ADCY2: variants seen among roughly 807,000 people sequenced by gnomAD.
ADCY2 encodes the protein adenylate cyclase type 2.
ADCY2 carries 31 observed loss-of-function variants against 125.2 expected under a neutral mutation model. The ratio of observed to expected loss-of-function variants is 0.25; its 90% CI spans 0.19 to 0.33. The LOEUF is 0.33. Ranked by LOEUF, ADCY2 falls within the 10% of genes least tolerant of loss-of-function variation. The pLI, the probability that ADCY2 is intolerant of heterozygous loss-of-function variation, is 1.00. For missense variants in ADCY2, 904 were observed against 1,418.2 expected (o/e 0.64, Z 5.82); for synonymous variants, 512 against 548.4 (o/e 0.93, Z 0.93).
chr5:7,396,454 T>A lies in ADCY2; in HGVS notation c.158T>A (p.Ile53Asn), dbSNP rs1739041370. ...CCGCTCATCGTCTTCCTGCTGCTCA[T>A]CGTCATGGGCTCCTGCCTCGCCCTG... The part of the protein sequence containing the change: ...QHPLIVFLLL[I>N]VMGSCLALLA... Residue 53 changes from isoleucine (I) to asparagine (N), a missense_variant, in exon 1 of 25, where the codon ATC (isoleucine) becomes AAC (asparagine). Coordinates refer to ENST00000338316, the MANE Select transcript of ADCY2 (RefSeq NM_020546.3). This position sits in a 1 kb window ranked among gnomAD's most constrained non-coding sequence, Gnocchi z 5.7. 6.3e-7 allele frequency: 1 copy of A among 1,577,556 alleles called. No individual in the cohort carries two copies. Among genetic ancestry groups the A allele is most frequent in the African/African-American group, 1.4e-5 (1 of 71,686 alleles).
chr5:7,723,391 T>G (rs1043840056), intron 12 of ADCY2, among the ~76,000 whole-genome samples: 3 of 152,174 alleles, frequency 2.0e-5, no homozygotes, highest in Non-Finnish European at 4.4e-5. Flanking sequence ...TGTGGGATGG[T>G]CTAGTTCCTG....
At chr5:7,527,530 G>A (rs1359748248) in intron 3 of ADCY2, among the ~76,000 whole-genome samples, 1 of 152,100 alleles carries the variant, frequency 6.6e-6, no homozygotes, top group African/African-American at 2.4e-5. Context: ...TGAGAGGGAG[G>A]ATAATTTGAA....
At chr5:7,548,946 G>A (rs1735238853) in intron 3 of ADCY2, among the ~76,000 whole-genome samples, 1 of 152,184 alleles carries the variant, frequency 6.6e-6, no homozygotes, top group South Asian at 2.1e-4. Context: ...TGAAACCCCA[G>A]GGCTGAGTCG....
rs368864708 is a variant in ADCY2, at chr5:7,520,734, G to A, written c.409-4G>A. ...CTCTTATTGTTCTTCTTCTCTGCCC[G>A]TAGGTATCGTTCTTCCTCTTCATCA... On this transcript the variant is annotated splice_region_variant and splice_polypyrimidine_tract_variant and intron_variant, in intron 2 of 24. Coordinates refer to ENST00000338316, the MANE Select transcript of ADCY2 (RefSeq NM_020546.3). 98 of 1,614,032 alleles carry A rather than the reference G, an allele frequency of 6.1e-5. No individual in the cohort carries two copies. Among genetic ancestry groups the A allele is most frequent in the Non-Finnish European group, 6.9e-5 (81 of 1,179,970 alleles).
intron 21 of ADCY2, among the ~76,000 whole-genome samples, chr5:7,803,470 G>A (rs192166042): frequency 1.3e-5 from 2 of 152,306 alleles, no homozygotes; most frequent in African/African-American, 2.4e-5. Flanking sequence ...CATCCTTCAT[G>A]TTCAAGCCCA....
At chr5:7,557,234 CAG>C (rs552189924) in intron 3 of ADCY2, among the ~76,000 whole-genome samples, 77 of 107,642 alleles carry the variant, frequency 7.2e-4, no homozygotes, top group African/African-American at 2.1e-3. Flanking sequence ...GACAAGTAAA[CAG>C]GGGAAGAGAT....
intron 4 of ADCY2, among the ~76,000 whole-genome samples, chr5:7,643,752 G>A (rs897845149): frequency 6.6e-6 from 1 of 151,312 alleles, no homozygotes; most frequent in Non-Finnish European, 1.5e-5. Flanking sequence ...CATATCTAGT[G>A]TCTCTCATTC....
intron 16 of ADCY2, among the ~76,000 whole-genome samples, chr5:7,765,381 A>C (rs2126471894): frequency 6.6e-6 from 1 of 152,288 alleles, no homozygotes; most frequent in African/African-American, 2.4e-5. Flanking sequence ...CATTCGTATA[A>C]GTTTTTCCAA....
intron 17 of ADCY2, among the ~76,000 whole-genome samples, chr5:7,770,431 T>C (rs897893562): frequency 3.9e-5 from 6 of 152,088 alleles, no homozygotes; most frequent in African/African-American, 1.5e-4. Context: ...ACTTTAATTA[T>C]AACAGTGGTT....
intron 22 of ADCY2, among the ~76,000 whole-genome samples, chr5:7,815,690 G>A (rs925236488): frequency 6.6e-5 from 10 of 152,196 alleles, no homozygotes; most frequent in African/African-American, 2.2e-4. Flanking sequence ...GCATAGAAAT[G>A]TTCACTTCTT....
At chr5:7,556,561 T>TA (rs1382036081) in intron 3 of ADCY2, among the ~76,000 whole-genome samples, 1 of 152,236 alleles carries the variant, frequency 6.6e-6, no homozygotes, top group Non-Finnish European at 1.5e-5. Flanking sequence ...GTTTTGAGTT[T>TA]AAAATATTTT....
chr5:7,517,878 G>A (rs1186523904), intron 2 of ADCY2, among the ~76,000 whole-genome samples: 1 of 152,074 alleles, frequency 6.6e-6, no homozygotes, highest in Non-Finnish European at 1.5e-5. Context: ...AATGCTAAAG[G>A]TTTTTGCATA....
rs1461667949 is a variant in ADCY2 at position 7,498,249 on chromosome 5, T to TTC, written c.409-22488_409-22487insCT. On this transcript the variant is annotated intron_variant, in intron 2 of 24. Transcript: ENST00000338316. ...TCTTTTTCTTTTTTCGTTTTTTTTT[T>TTC]TTTTTTTTTTTTTTTTTAAGACAGA... 1.6e-4 allele frequency among the ~76,000 whole-genome samples: 22 copies of TTC among 136,766 alleles called. 1 individual carries two copies. The highest frequency in any genetic ancestry group is 1.2e-3 in the East Asian group (6 of 4,872). The allele number at this position is 136,766 out of a possible 152,430, so 89.7% of individuals were successfully genotyped here. A position where few individuals can be genotyped will look rare whatever the true frequency, so the allele number is the denominator to read the frequency against.
Position 7,400,581 on chromosome 5 carries a change from T to G in ADCY2, c.210+4075T>G, listed in dbSNP as rs1579404711. Among the ~76,000 whole-genome samples the G allele has an allele frequency of 2.6e-5, 4 of 152,312 alleles. No homozygotes were observed. In the South Asian group the frequency reaches 6.2e-4, roughly 24 times the overall value. On this transcript the variant is annotated intron_variant, in intron 1 of 24. Coordinates refer to ENST00000338316, the MANE Select transcript of ADCY2 (RefSeq NM_020546.3). ...ACCCCCAATAGGTGGAAGAATCACC[T>G]CCTTCCTTGGGGGTTGAAGGATGGG... is the stretch of plus-strand genomic sequence containing the variant.
intron 2 of ADCY2, among the ~76,000 whole-genome samples, chr5:7,455,447 C>T (rs900770142): frequency 6.6e-5 from 10 of 151,926 alleles, no homozygotes; most frequent in Admixed American, 2.6e-4. Context: ...TGATATCACA[C>T]ATTATTATAG....
At chr5:7,561,614 T>TA (rs1735709978) in intron 3 of ADCY2, among the ~76,000 whole-genome samples, 1 of 143,974 alleles carries the variant, frequency 6.9e-6, no homozygotes, top group Admixed American at 6.7e-5. Flanking sequence ...GCAGTAATGT[T>TA]AAAATGTATA....
intron 14 of ADCY2, among the ~76,000 whole-genome samples, chr5:7,735,744 T>C (rs1174139137): frequency 6.6e-6 from 1 of 152,224 alleles, no homozygotes; most frequent in South Asian, 2.1e-4. Context: ...TTGTTAAGGA[T>C]TTTTGTATCC....
intron 3 of ADCY2, among the ~76,000 whole-genome samples, chr5:7,601,111 A>G (rs1737185460): frequency 6.6e-6 from 1 of 152,116 alleles, no homozygotes; most frequent in South Asian, 2.1e-4. Flanking sequence ...TGGAATTGGA[A>G]TTCAGGATGA....
intron 2 of ADCY2, among the ~76,000 whole-genome samples, chr5:7,495,757 GA>G (rs1743326669): frequency 6.6e-6 from 1 of 152,004 alleles, no homozygotes; most frequent in Non-Finnish European, 1.5e-5. Context: ...TGAACATTTT[GA>G]CATCCTTATC....
Sources: allele counts gnomAD v4.1 joint callset (sites outside exome capture counted in the v4.1 genomes callset), GRCh38; gene constraint gnomAD v4.1.1; non-coding constraint Gnocchi (gnomAD v3.1); transcripts MANE v1.5; gene names NCBI Gene and HGNC (gene_info 2026-07-23, HGNC 2026-07-21).